FRYL: variants seen among roughly 807,000 people sequenced by gnomAD.
FRYL encodes FRY like transcription coactivator, also known as protein furry homolog-like.
Under a neutral mutation model 351.2 loss-of-function variants are expected in FRYL, and 150 were observed. That is an observed-to-expected ratio of 0.43 (90% confidence interval 0.37 to 0.49). FRYL has a LOEUF of 0.49. FRYL is among the 20% of genes least tolerant of loss of function. FRYL has a pLI of 0.00. For missense variants in FRYL, 3,036 were observed against 3,619.3 expected (o/e 0.84, Z 4.13); for synonymous variants, 1,153 against 1,257.1 (o/e 0.92, Z 1.75).
In FRYL at chr4:48,576,046, T is replaced by C. The variant is rs560480126; in HGVS notation, c.2705A>G (p.Tyr902Cys). Residue 902 changes from tyrosine to cysteine, a missense_variant, in exon 24 of 64, where the codon TAT becomes TGT. This residue lies in a region of FRYL where 492 missense variants were observed against 551.5 expected (regional missense o/e 0.89). Transcript: ENST00000358350. ...ETLASTPDSGYSIDSKIIGIP... is the reference protein window; with the variant it reads ...ETLASTPDSGCSIDSKIIGIP... The stretch of plus-strand genomic sequence containing the variant: ...GAAACTTACTTTAGAATCAATGCTA[T>C]AGCCGCTATCTGGGGTAGACGCCAG... 16 of 1,609,692 alleles carry C rather than the reference T, an allele frequency of 9.9e-6. 1 individual carries two copies. In the South Asian group the frequency reaches 1.6e-4, roughly 16 times the overall value.
intron 53 of FRYL, chr4:48,523,628 C>G (rs1725356315): frequency 6.5e-6 from 1 of 152,824 alleles, no homozygotes. Flanking sequence ...CTGGATTAAG[C>G]TTTGTGCAGA....
At chr4:48,622,017 AAAG>A (rs1750741597) in intron 5 of FRYL, among the ~76,000 whole-genome samples, 2 of 152,174 alleles carry the variant, frequency 1.3e-5, no homozygotes, top group African/African-American at 2.4e-5. Context: ...TGCAATATCT[AAAG>A]AAGGAACAAT....
intron 36 of FRYL, among the ~76,000 whole-genome samples, chr4:48,552,443 T>C (rs1733083612): frequency 6.6e-6 from 1 of 152,136 alleles, no homozygotes; most frequent in African/African-American, 2.4e-5. Flanking sequence ...AACTTATATT[T>C]TTTTTAATAT....
intron 2 of FRYL, among the ~76,000 whole-genome samples, chr4:48,688,352 A>G (rs1036289056): frequency 2.6e-5 from 4 of 152,240 alleles, no homozygotes; most frequent in African/African-American, 4.8e-5. Flanking sequence ...ATAATTATAG[A>G]AAACAAAATG....
intron 55 of FRYL, among the ~76,000 whole-genome samples, chr4:48,515,480 GC>G (rs1723382789): frequency 6.6e-6 from 1 of 152,092 alleles, no homozygotes; most frequent in South Asian, 2.1e-4. Flanking sequence ...CGATTCTCCT[GC>G]CTCAGCCTCC....
chr4:48,665,515 A>G (rs1192095364), intron 3 of FRYL, among the ~76,000 whole-genome samples: 1 of 152,174 alleles, frequency 6.6e-6, no homozygotes, highest in Non-Finnish European at 1.5e-5. Context: ...CAGTTACTGG[A>G]TTTGTATTTT....
At chr4:48,595,078 G>A (rs943094805) in intron 15 of FRYL, among the ~76,000 whole-genome samples, 1 of 152,238 alleles carries the variant, frequency 6.6e-6, no homozygotes, top group African/African-American at 2.4e-5. Flanking sequence ...GGTGAGGACC[G>A]TAGCAGATGC....
chr4:48,750,236 A>C (rs998138406), intron 1 of FRYL, among the ~76,000 whole-genome samples: 10 of 151,906 alleles, frequency 6.6e-5, no homozygotes, highest in Non-Finnish European at 1.5e-4. Context: ...CGAGGCGAAC[A>C]AATCGCTTGA....
rs539542120 is a variant in FRYL at position 48,633,676 on chromosome 4, T to A, written c.120+615A>T. 6.6e-5 allele frequency among the ~76,000 whole-genome samples: 10 copies of A among 152,308 alleles called. No individual in the cohort carries two copies. The East Asian group carries it at 1.9e-3, about 29-fold the overall frequency. ...GCCCCCTACTTAGTTACTTGTCAAG[T>A]TCTATTGATTTTACTTCTGTTATTT... On this transcript the variant is annotated intron_variant, in intron 4 of 63. Coordinates refer to ENST00000358350, the MANE Select transcript of FRYL (RefSeq NM_015030.2).
intron 1 of FRYL, among the ~76,000 whole-genome samples, chr4:48,721,509 T>A (rs1201826668): frequency 6.6e-6 from 1 of 151,634 alleles, no homozygotes; most frequent in Non-Finnish European, 1.5e-5. Flanking sequence ...AGAAGTAAAA[T>A]AAATTAAAAA....
chr4:48,516,396 C>G (rs1038697674), intron 55 of FRYL, among the ~76,000 whole-genome samples: 1 of 152,120 alleles, frequency 6.6e-6, no homozygotes, highest in African/African-American at 2.4e-5. Flanking sequence ...ACTTTCAAAG[C>G]ATATATGATG....
chr4:48,697,546 C>T (rs1766315184), intron 2 of FRYL, among the ~76,000 whole-genome samples: 1 of 152,142 alleles, frequency 6.6e-6, no homozygotes, highest in African/African-American at 2.4e-5. Context: ...GCTGCGGTGT[C>T]TCAGCTTACT....
intron 2 of FRYL, among the ~76,000 whole-genome samples, chr4:48,703,774 C>G (rs1475270385): frequency 1.3e-5 from 2 of 152,190 alleles, no homozygotes; most frequent in African/African-American, 2.4e-5. Context: ...CACCTACTCC[C>G]CTCTTAGACC....
At chr4:48,608,732 T>C (rs988884989) in intron 9 of FRYL, among the ~76,000 whole-genome samples, 55 of 152,194 alleles carry the variant, frequency 3.6e-4, no homozygotes, top group Admixed American at 3.9e-4. Context: ...GTGTCCTAAA[T>C]ATGGTTGGCA....
intron 56 of FRYL, among the ~76,000 whole-genome samples, chr4:48,513,353 G>A (rs1414847400): frequency 6.6e-6 from 1 of 152,080 alleles, no homozygotes; most frequent in Non-Finnish European, 1.5e-5. Flanking sequence ...CAATATGGCC[G>A]ATAATAGATT....
intron 1 of FRYL, among the ~76,000 whole-genome samples, chr4:48,758,210 G>A (rs1403602264): frequency 6.6e-5 from 10 of 152,138 alleles, no homozygotes; most frequent in Non-Finnish European, 1.0e-4. Flanking sequence ...AAAAGCAATG[G>A]CAACAAAAGC....
At chr4:48,552,303 G>A (rs1733032831) in intron 36 of FRYL, among the ~76,000 whole-genome samples, 1 of 150,662 alleles carries the variant, frequency 6.6e-6, no homozygotes, top group Admixed American at 6.6e-5. Context: ...ACCCTCTGCA[G>A]GCAAATGACT....
chr4:48,778,984 C>T (rs187725091), intron 1 of FRYL, among the ~76,000 whole-genome samples: 6 of 139,716 alleles, frequency 4.3e-5, no homozygotes, highest in East Asian at 2.2e-4. Context: ...TTGCTCCTCA[C>T]CAGCACACAC....
chr4:48,743,185 G>A (rs191532810), intron 1 of FRYL, among the ~76,000 whole-genome samples: 58 of 151,984 alleles, frequency 3.8e-4, no homozygotes, highest in African/African-American at 1.3e-3. Flanking sequence ...AATCTATTAT[G>A]TAATCAAAGG....
Sources: gnomAD v4.1 joint callset for allele counts (sites outside exome capture counted in the v4.1 genomes callset) on GRCh38, gnomAD v4.1.1 for gene constraint, gnomAD v4.1.1 regional missense constraint, MANE v1.5 for transcripts, NCBI Gene and HGNC (gene_info 2026-07-23, HGNC 2026-07-21) for gene names.